SLC26A4: variants seen among roughly 807,000 people sequenced by gnomAD.
The protein encoded by SLC26A4 is solute carrier family 26 member 4.
Under a neutral mutation model 90.4 loss-of-function variants are expected in SLC26A4, and 93 were observed. That is an observed-to-expected ratio of 1.03 (90% CI 0.87 to 1.22). The LOEUF is 1.22. Ranked by LOEUF, SLC26A4 falls within the 50% of genes most tolerant of loss-of-function variation. SLC26A4 has a pLI of 0.00. For synonymous variants in SLC26A4, 393 were observed against 354.6 expected (o/e 1.11, Z -1.22); for missense variants, 1,127 against 946.2 (o/e 1.19, Z -2.51).
intron 6 of SLC26A4, 77 bp downstream of exon 6, chr7:107,675,186 C>T: frequency 6.9e-7 from 1 of 1,445,886 alleles, no homozygotes; most frequent in Non-Finnish European, 9.6e-7. Flanking sequence ...TGAGTCTGGG[C>T]CAGGCGTGGT....
At chr7:107,683,149 T>G in intron 6 of SLC26A4, 53 bp from the exon 7 acceptor site, 1 of 1,361,268 alleles carries the variant, frequency 7.3e-7, no homozygotes, top group Non-Finnish European at 1.0e-6. Flanking sequence ...CGTGTGTGTG[T>G]GCTCGTGTGC....
chr7:107,674,414 T>C, intron 5 of SLC26A4, 66 bp downstream of exon 5: 1 of 1,207,772 alleles, frequency 8.3e-7, no homozygotes. Context: ...TTAAAGCATA[T>C]AGACTTAAAG....
chr7:107,666,712 G>A (rs1166105699), intron 3 of SLC26A4, among the ~76,000 whole-genome samples: 1 of 152,190 alleles, frequency 6.6e-6, no homozygotes, highest in Non-Finnish European at 1.5e-5. Flanking sequence ...AGGAAGAATT[G>A]TAGTGTGGAT....
chr7:107,661,269 C>T lies in SLC26A4; in HGVS notation c.-3-370C>T, dbSNP rs1790539005. 5 of 340,838 alleles carry T rather than the reference C, an allele frequency of 1.5e-5. No individual in the cohort carries two copies. Among genetic ancestry groups the T allele is most frequent in the Non-Finnish European group, 2.2e-5 (4 of 182,488 alleles). The allele number at this position is 340,838 out of a possible 1,614,324, so 21.1% of individuals were successfully genotyped here. ...GCCTTGCAAGCGCCTTTGGCCCCTG[C>T]CCCAGCCCCTCGGTTTGGGGGAGAT... is the stretch of plus-strand genomic sequence containing the variant. On this transcript the variant is annotated intron_variant, in intron 1 of 20. Coordinates refer to ENST00000644269, the MANE Select transcript of SLC26A4 (RefSeq NM_000441.2). The surrounding 1 kb of genome is among the most constrained non-coding windows in gnomAD (Gnocchi z 5.1).
intron 17 of SLC26A4, among the ~76,000 whole-genome samples, chr7:107,702,325 G>GT (rs1791918895): frequency 6.6e-6 from 1 of 152,176 alleles, no homozygotes; most frequent in South Asian, 2.1e-4. Flanking sequence ...TAATATGGAG[G>GT]TAATGATGGT....
chr7:107,702,519 G>A (rs953322631), intron 17 of SLC26A4, among the ~76,000 whole-genome samples: 4 of 151,856 alleles, frequency 2.6e-5, no homozygotes, highest in Non-Finnish European at 4.4e-5. Context: ...GTGAAACCCC[G>A]TCTCTACCAA....
intron 20 of SLC26A4, among the ~76,000 whole-genome samples, chr7:107,713,401 T>G (rs537251353): frequency 2.6e-5 from 4 of 152,350 alleles, no homozygotes; most frequent in African/African-American, 9.6e-5. Flanking sequence ...AGAACTCAAT[T>G]TGGCCTTTCT....
intron 19 of SLC26A4, 120 bp from the exon 20 acceptor site, chr7:107,712,419 A>C: frequency 1.4e-6 from 1 of 692,126 alleles, no homozygotes. Flanking sequence ...ATACAGCTGA[A>C]GAGGATTCTG....
chr7:107,715,506 T>G lies in SLC26A4; in HGVS notation c.*60T>G. 14 of 1,222,430 alleles carry G rather than the reference T, an allele frequency of 1.1e-5. No individual in the cohort carries two copies. The highest frequency in any genetic ancestry group is 1.9e-4 in the Middle Eastern group (1 of 5,346). 75.7% of individuals were successfully genotyped at this position (1,222,430 alleles called of 1,614,324 possible). The stretch of plus-strand genomic sequence containing the variant: ...ACAAGACAAAACTTCCTCAATGCAT[T>G]GACTATTTCTTCAGACTCAAAACAC... On this transcript the variant is annotated 3_prime_UTR_variant, in exon 21 of 21. Transcript: ENST00000644269.
chr7:107,675,394 C>G (rs1004946343), intron 6 of SLC26A4, among the ~76,000 whole-genome samples: 2 of 151,096 alleles, frequency 1.3e-5, no homozygotes, highest in African/African-American at 4.9e-5. Flanking sequence ...GTAGTCTCAG[C>G]TACTTGGGAG....
At chr7:107,702,812 G>A (rs1791933493) in intron 17 of SLC26A4, among the ~76,000 whole-genome samples, 3 of 152,098 alleles carry the variant, frequency 2.0e-5, no homozygotes, top group Admixed American at 6.5e-5. Context: ...ATGGGCAAAA[G>A]TTTATTAAGT....
intron 10 of SLC26A4, chr7:107,693,453 T>G (rs1029592329): frequency 1.0e-6 from 1 of 985,328 alleles, no homozygotes; most frequent in Non-Finnish European, 1.2e-6. Context: ...TCAGACCTTT[T>G]GCACTAGACA....
At position 107,661,912 on chromosome 7, in the gene SLC26A4, C is replaced by G; in HGVS notation, c.164+107C>G. On this transcript the variant is annotated intron_variant, in intron 2 of 20. Coordinates refer to ENST00000644269, the MANE Select transcript of SLC26A4 (RefSeq NM_000441.2). This position sits in a 1 kb window ranked among gnomAD's most constrained non-coding sequence, Gnocchi z 5.1. ...GAGAGTGGGGTGCGGGCGGCGGAGC[C>G]CCTGGGCGCCAGCTGCTTCTCCCAG... is the stretch of plus-strand genomic sequence containing the variant. 2 of 1,273,660 alleles carry G rather than the reference C, an allele frequency of 1.6e-6. No homozygotes were observed. Among genetic ancestry groups the G allele is most frequent in the Non-Finnish European group, 2.1e-6 (2 of 945,694 alleles). 78.9% of individuals were successfully genotyped at this position (1,273,660 alleles called of 1,614,324 possible). A position where few individuals can be genotyped will look rare whatever the true frequency, so the allele number is the denominator to read the frequency against.
intron 3 of SLC26A4, among the ~76,000 whole-genome samples, chr7:107,671,445 GAC>G (rs1421546336): frequency 3.3e-5 from 5 of 152,200 alleles, no homozygotes; most frequent in African/African-American, 1.2e-4. Context: ...ATAGGTGTAG[GAC>G]ACCAGGCCTG....
Position 107,681,316 on chromosome 7 carries a change from T to C in SLC26A4, c.766-1886T>C, listed in dbSNP as rs146702043. ...TGCATGCATAATAGCTTCTCCCCCA[T>C]TTCCTTACTCTTCTTGAATGTGTTC... On this transcript the variant is annotated intron_variant, in intron 6 of 20. Transcript: ENST00000644269. Among the ~76,000 whole-genome samples the C allele has an allele frequency of 6.3e-3, 956 of 152,246 alleles. 13 individuals carry two copies. The highest frequency in any genetic ancestry group is 0.021 in the African/African-American group (888 of 41,532).
chr7:107,714,668 A>T (rs1439504982), intron 20 of SLC26A4, among the ~76,000 whole-genome samples: 1 of 152,176 alleles, frequency 6.6e-6, no homozygotes, highest in Non-Finnish European at 1.5e-5. Flanking sequence ...ATGGTAAAAC[A>T]ATATAGCACA....
At chr7:107,660,918 A>C (rs1562816582) in intron 1 of SLC26A4, 63 bp downstream of exon 1, 1 of 152,022 alleles carries the variant, frequency 6.6e-6, no homozygotes, top group Non-Finnish European at 1.5e-5. Context: ...GGAGGCCTCG[A>C]GGGTTGCGGA....
At chr7:107,712,482 T>A in intron 19 of SLC26A4, 57 bp from the exon 20 acceptor site, 1 of 850,054 alleles carries the variant, frequency 1.2e-6, no homozygotes, top group Non-Finnish European at 2.1e-6. Context: ...TCATTTTCAG[T>A]GGAGCATCAG....
intron 6 of SLC26A4, among the ~76,000 whole-genome samples, chr7:107,676,143 C>G (rs1334602216): frequency 6.6e-6 from 1 of 152,180 alleles, no homozygotes; most frequent in Non-Finnish European, 1.5e-5. Context: ...CTACTGTCTA[C>G]TAGCCATGTG....
Sources: allele counts gnomAD v4.1 joint callset (sites outside exome capture counted in the v4.1 genomes callset), GRCh38; gene constraint gnomAD v4.1.1; non-coding constraint Gnocchi (gnomAD v3.1); transcripts MANE v1.5; gene names NCBI Gene and HGNC (gene_info 2026-07-23, HGNC 2026-07-21).